Variants in GLIS3 observed in about 807,000 individuals in gnomAD.
GLIS3 encodes GLIS family zinc finger 3.
GLIS3 carries 53 observed loss-of-function variants against 78.6 expected under a neutral mutation model. The ratio of observed to expected loss-of-function variants is 0.67; its 90% confidence interval spans 0.54 to 0.85. GLIS3 has a LOEUF of 0.85. GLIS3 is among the 40% of genes least tolerant of loss of function. The pLI is 0.00. For missense variants in GLIS3, 1,703 were observed against 1,231.1 expected (o/e 1.38, Z -5.74); for synonymous variants, 684 against 509.9 (o/e 1.34, Z -4.60).
intron 2 of GLIS3, among the ~76,000 whole-genome samples, chr9:4,134,934 G>C (rs1833286871): frequency 6.6e-6 from 1 of 152,116 alleles, no homozygotes; most frequent in Non-Finnish European, 1.5e-5. Flanking sequence ...CCCTGGACTA[G>C]GGAGATAAGA....
At chr9:4,419,767 G>A in the GLIS3 span, among the ~76,000 whole-genome samples, 1 of 152,048 alleles carries the variant, frequency 6.6e-6, no homozygotes, top group Admixed American at 6.5e-5. Flanking sequence ...GAGACAGAAT[G>A]AGGCTCTGTC....
chr9:4,471,291 T>G, the GLIS3 span, among the ~76,000 whole-genome samples: 1 of 152,218 alleles, frequency 6.6e-6, no homozygotes, highest in Non-Finnish European at 1.5e-5. Context: ...AGAGCCCGCA[T>G]TGCCAAGACA....
intron 9 of GLIS3, among the ~76,000 whole-genome samples, chr9:3,848,982 AAC>A (rs1563773054): frequency 1.3e-5 from 2 of 152,252 alleles, no homozygotes; most frequent in African/African-American, 4.8e-5. Context: ...AGCCGTGAAC[AAC>A]AGAGGGAGGG....
chr9:4,050,364 G>T (rs961037990), intron 4 of GLIS3, among the ~76,000 whole-genome samples: 1 of 152,016 alleles, frequency 6.6e-6, no homozygotes, highest in African/African-American at 2.4e-5. Flanking sequence ...ACCAAACACC[G>T]CATGTTCTCA....
intron 2 of GLIS3, among the ~76,000 whole-genome samples, chr9:4,167,470 G>C (rs10758562): frequency 0.23 from 34,895 of 152,110 alleles, 5,414 homozygotes; most frequent in East Asian, 0.62. Flanking sequence ...CTGCCACTCT[G>C]TGAGTCTAGC....
intron 2 of GLIS3, among the ~76,000 whole-genome samples, chr9:4,335,737 T>C (rs912845140): frequency 6.6e-6 from 1 of 152,190 alleles, no homozygotes; most frequent in East Asian, 1.9e-4. Flanking sequence ...CATCCATCCC[T>C]TTCAAGAAGC....
chr9:3,849,090 A>G (rs562820349), intron 9 of GLIS3, among the ~76,000 whole-genome samples: 1 of 152,218 alleles, frequency 6.6e-6, no homozygotes, highest in Non-Finnish European at 1.5e-5. Context: ...TAAGTGGTAC[A>G]TGGATGACAG....
intron 7 of GLIS3, among the ~76,000 whole-genome samples, chr9:3,892,687 A>G (rs1444652115): frequency 4.6e-5 from 7 of 151,300 alleles, no homozygotes; most frequent in Non-Finnish European, 5.9e-5. Flanking sequence ...TTTTTTCTTT[A>G]CTCTTCACAG....
At chr9:3,908,915 G>A (rs1373940810) in intron 6 of GLIS3, among the ~76,000 whole-genome samples, 2 of 152,030 alleles carry the variant, frequency 1.3e-5, no homozygotes, top group Non-Finnish European at 2.9e-5. Flanking sequence ...TTTTATTCTA[G>A]GAGCAAAGGC....
At chr9:4,275,930 T>C (rs985009125) in intron 2 of GLIS3, among the ~76,000 whole-genome samples, 1 of 152,148 alleles carries the variant, frequency 6.6e-6, no homozygotes, top group Non-Finnish European at 1.5e-5. Flanking sequence ...ATATGAAAGT[T>C]TGTGAACTAC....
intron 4 of GLIS3, among the ~76,000 whole-genome samples, chr9:4,057,494 G>C (rs1826243019): frequency 6.6e-6 from 1 of 151,888 alleles, no homozygotes; most frequent in African/African-American, 2.4e-5. Context: ...AAAATTAAAA[G>C]CAGTACTTTT....
intron 9 of GLIS3, among the ~76,000 whole-genome samples, chr9:3,854,828 G>A (rs1819661610): frequency 6.6e-6 from 1 of 152,130 alleles, no homozygotes; most frequent in Non-Finnish European, 1.5e-5. Flanking sequence ...ACAGGCGTGA[G>A]CCACCATGCC....
At chr9:4,321,195 C>G (rs554952056) in intron 2 of GLIS3, among the ~76,000 whole-genome samples, 1 of 149,156 alleles carries the variant, frequency 6.7e-6, no homozygotes, top group South Asian at 2.1e-4. Flanking sequence ...CCGAGGCGGG[C>G]GGATCACAAG....
chr9:4,027,177 T>C (rs914621606), intron 4 of GLIS3, among the ~76,000 whole-genome samples: 1 of 152,208 alleles, frequency 6.6e-6, no homozygotes, highest in African/African-American at 2.4e-5. Context: ...TGGGATGCAA[T>C]GTTAGCAACC....
the GLIS3 span, among the ~76,000 whole-genome samples, chr9:4,392,320 T>G: frequency 6.6e-6 from 1 of 152,086 alleles, no homozygotes; most frequent in African/African-American, 2.4e-5. Flanking sequence ...GACGGGTTGA[T>G]AGGTGCTGCA....
chr9:4,152,970 A>C (rs1188544108), intron 2 of GLIS3, among the ~76,000 whole-genome samples: 1 of 152,196 alleles, frequency 6.6e-6, no homozygotes, highest in Non-Finnish European at 1.5e-5. Context: ...TAGCCTCTGC[A>C]TTACTGGCAT....
At chr9:4,009,356 C>T (rs1240867493) in intron 4 of GLIS3, among the ~76,000 whole-genome samples, 1 of 152,170 alleles carries the variant, frequency 6.6e-6, no homozygotes, top group Non-Finnish European at 1.5e-5. Context: ...GATCACTCCT[C>T]ATTTCCAACA....
chr9:4,269,887 C>T (rs1826350251), intron 2 of GLIS3, among the ~76,000 whole-genome samples: 1 of 152,028 alleles, frequency 6.6e-6, no homozygotes, highest in Non-Finnish European at 1.5e-5. Context: ...GAAAGTGAAA[C>T]CTGGAAACAA....
the GLIS3 span, among the ~76,000 whole-genome samples, chr9:4,358,461 C>T: frequency 1.5e-4 from 23 of 152,194 alleles, 1 homozygote; most frequent in South Asian, 3.9e-3. Context: ...ATAGTTTTTG[C>T]TGGTAGTATA....
Sources: gnomAD v4.1 joint callset for allele counts (sites outside exome capture counted in the v4.1 genomes callset) on GRCh38, gnomAD v4.1.1 for gene constraint, MANE v1.5 for transcripts, NCBI Gene and HGNC (gene_info 2026-07-23, HGNC 2026-07-21) for gene names.